The following DST variants were observed in gnomAD, a reference collection of about 807,000 sequenced individuals.
The protein encoded by DST is bullous pemphigoid antigen.
A neutral mutation model predicts 875.2 loss-of-function variants in DST; 253 were observed. The observed-to-expected ratio is 0.29, with a 90% CI of 0.26 to 0.32. The LOEUF is 0.32. Among genes scored for constraint, DST ranks in the 10% least tolerant of loss-of-function variants. The probability of loss-of-function intolerance (pLI) is 1.00; values close to 1 mark genes in which losing one functional copy is unlikely to be tolerated. For missense variants in DST, 8,287 were observed against 9,111.6 expected, an observed-to-expected ratio of 0.91 and a Z score of 3.68; for synonymous variants, 3,124 against 3,197.1, an observed-to-expected ratio of 0.98 and a Z score of 0.77.
At position 56,724,701 on chromosome 6, in the gene DST, T is replaced by C. The variant is rs1168708277; in HGVS notation, c.687+10527A>G. 4.6e-5 allele frequency among the ~76,000 whole-genome samples: 7 copies of C among 152,202 alleles called. No homozygotes were observed. In the East Asian group the frequency reaches 1.3e-3, roughly 29 times the overall value. On this transcript the variant is annotated intron_variant, in intron 5 of 103. Transcript: ENST00000680361. The stretch of plus-strand genomic sequence containing the variant: ...GAAGGGGGAAAAACTAGTGTTAGAG[T>C]GGTTCTTGGCCAGACCACAGAAAAC...
At chr6:56,827,477 A>T (rs1334829019) in intron 4 of DST, among the ~76,000 whole-genome samples, 1 of 145,126 alleles carries the variant, frequency 6.9e-6, no homozygotes, top group Admixed American at 7.0e-5. Flanking sequence ...ACTGCACTCC[A>T]GCCTGGGCAA....
chr6:56,805,709 G>T (rs1394182101), intron 4 of DST, among the ~76,000 whole-genome samples: 1 of 152,158 alleles, frequency 6.6e-6, no homozygotes, highest in African/African-American at 2.4e-5. Flanking sequence ...AAAACAGGCA[G>T]GTACTAGTAT....
rs1313070710 is a variant in DST at position 56,844,494 on chromosome 6, A to G, written c.625+6903T>C. Among the ~76,000 whole-genome samples the G allele has an allele frequency of 4.6e-5, 7 of 152,344 alleles. No individual in the cohort carries two copies. The East Asian group carries it at 1.2e-3, about 25-fold the overall frequency. Reference sequence around the variant, plus strand: ...TGGATACAGTTCCCTTAAATTAGATATATGTGTATCATATACTAAAGTGGG... The same window carrying G: ...TGGATACAGTTCCCTTAAATTAGATGTATGTGTATCATATACTAAAGTGGG... On this transcript the variant is annotated intron_variant, in intron 4 of 103. Coordinates refer to ENST00000680361, the MANE Select transcript of DST (RefSeq NM_001374736.1).
Position 56,603,428 on chromosome 6 carries a change from G to T in DST, c.10942-8C>A, listed in dbSNP as rs1289964682. The T allele has an allele frequency of 1.2e-6, 2 of 1,608,544 alleles. No homozygotes were observed. Among genetic ancestry groups the T allele is most frequent in the East Asian group, 4.5e-5 (2 of 44,828 alleles). The stretch of plus-strand genomic sequence containing the variant: ...TAATCCCAATTCAAATGTCTGCAAA[G>T]AAATATATCCCGGACCTATTTACTA... On this transcript the variant is annotated splice_polypyrimidine_tract_variant and splice_region_variant and intron_variant, in intron 41 of 103. Transcript: ENST00000680361.
chr6:56,603,393 C>A lies in DST; in HGVS notation c.10969G>T (p.Ala3657Ser). 6.2e-7 allele frequency: 1 copy of A among 1,610,632 alleles called. No homozygotes were observed. The highest frequency in any genetic ancestry group is 2.2e-5 in the East Asian group (1 of 44,838). The change falls in exon 42 of 104, where the codon GCT (alanine) becomes TCT (serine). Residue 3657 changes from alanine (A) to serine (S), a missense_variant. By Grantham distance (99) the Ala-to-Ser change is moderately conservative. Around this residue, in one of 10 missense-constraint regions of DST, gnomAD observed 3,138 missense variants for 3,116.6 expected, o/e 1.01. Coordinates refer to ENST00000680361, the MANE Select transcript of DST (RefSeq NM_001374736.1). ...TTCATATCTTTTCTTAAAATAACAG[C>A]AATTGGAGCTAATCCCAATTCAAAT... ...ETFELGLAPI[A>S]VILRKDMKLA...
intron 61 of DST, among the ~76,000 whole-genome samples, chr6:56,546,533 G>A (rs1156703406): frequency 6.7e-6 from 1 of 148,872 alleles, no homozygotes; most frequent in Non-Finnish European, 1.5e-5. Flanking sequence ...ACTGACAAAA[G>A]AAATAAAGCT....
chr6:56,484,469 G>A (rs1474762471), intron 88 of DST: 1 of 151,992 alleles, frequency 6.6e-6, no homozygotes, highest in East Asian at 1.9e-4. Context: ...GATCAAAATA[G>A]CATAACCAAT....
intron 4 of DST, among the ~76,000 whole-genome samples, chr6:56,808,441 T>C (rs2099755859): frequency 6.6e-6 from 1 of 152,144 alleles, no homozygotes; most frequent in African/African-American, 2.4e-5. Context: ...TAAAACTTAA[T>C]GCAGTGGGAA....
chr6:56,539,968 G>C (rs931737576), intron 61 of DST, among the ~76,000 whole-genome samples: 4 of 152,120 alleles, frequency 2.6e-5, no homozygotes, highest in Non-Finnish European at 5.9e-5. Context: ...TTGTGTAAAA[G>C]CCTAACATTA....
chr6:56,634,355 T>A (rs2098808128), intron 26 of DST, 97 bp from the exon 27 acceptor site: 3 of 1,607,402 alleles, frequency 1.9e-6, no homozygotes, highest in Non-Finnish European at 2.6e-6. Context: ...ACGGATGAGT[T>A]CTAGAGACTT....
At chr6:56,646,014 T>C (rs1563431251) in intron 14 of DST, 21 bp from the exon 15 acceptor site, 7 of 1,604,868 alleles carry the variant, frequency 4.4e-6, no homozygotes, top group Non-Finnish European at 1.7e-6. Context: ...CAAAAAACTT[T>C]AATGTGAAGC....
At chr6:56,560,074 A>C (rs1048461838) in intron 58 of DST, among the ~76,000 whole-genome samples, 1 of 152,160 alleles carries the variant, frequency 6.6e-6, no homozygotes, top group South Asian at 2.1e-4. Context: ...TCTTCATAAA[A>C]ATAGATTTAA....
At chr6:56,778,984 G>A (rs2099685955) in intron 4 of DST, among the ~76,000 whole-genome samples, 1 of 152,034 alleles carries the variant, frequency 6.6e-6, no homozygotes, top group East Asian at 1.9e-4. Context: ...GGTTGAATGA[G>A]TTTACAGTCC....
intron 4 of DST, chr6:56,843,494 C>T: frequency 1.0e-6 from 1 of 987,622 alleles, no homozygotes; most frequent in Admixed American, 6.2e-5. Flanking sequence ...CGAGGGCGGG[C>T]GGGGGCCGGC....
chr6:56,818,169 A>C (rs36022925), intron 4 of DST, among the ~76,000 whole-genome samples: 26,073 of 152,162 alleles, frequency 0.17, 2,496 homozygotes, highest in African/African-American at 0.2. Flanking sequence ...TAAGGTAATA[A>C]ATTTGTGTTG....
At chr6:56,535,759 C>A (rs1451725586) in intron 62 of DST, among the ~76,000 whole-genome samples, 1 of 152,064 alleles carries the variant, frequency 6.6e-6, no homozygotes, top group Non-Finnish European at 1.5e-5. Context: ...ACAAAAGTAT[C>A]CAATTAAGTT....
chr6:56,615,232 C>G (rs1258055253), intron 36 of DST: 10 of 1,193,120 alleles, frequency 8.4e-6, no homozygotes, highest in African/African-American at 1.6e-5. Context: ...TGGAGTTCAT[C>G]AAGTTTATCC....
chr6:56,817,703 T>C (rs1486192973), intron 4 of DST, among the ~76,000 whole-genome samples: 6 of 152,216 alleles, frequency 3.9e-5, no homozygotes, highest in Non-Finnish European at 8.8e-5. Flanking sequence ...ACACCATCCC[T>C]GGTCTCCATT....
At chr6:56,669,522 G>A (rs1246413479) in intron 10 of DST, among the ~76,000 whole-genome samples, 2 of 151,538 alleles carry the variant, frequency 1.3e-5, no homozygotes, top group Non-Finnish European at 2.9e-5. Flanking sequence ...CTTGAACCTG[G>A]GAGGTGGAGG....
Sources: allele counts gnomAD v4.1 joint callset (sites outside exome capture counted in the v4.1 genomes callset), GRCh38; gene constraint gnomAD v4.1.1; regional missense constraint gnomAD v4.1.1; transcripts MANE v1.5; gene names NCBI Gene and HGNC (gene_info 2026-07-23, HGNC 2026-07-21).